The following CSMD1 variants were observed in gnomAD, a reference collection of about 807,000 sequenced individuals.
CSMD1 encodes CUB and sushi domain-containing protein 1.
In CSMD1, 213 loss-of-function variants were observed where a neutral mutation model predicts 417.5. The observed-to-expected ratio is 0.51, with a 90% CI of 0.46 to 0.57. CSMD1 has a LOEUF of 0.57. Among genes scored for constraint, CSMD1 ranks in the 20% least tolerant of loss-of-function variants. The probability of loss-of-function intolerance (pLI) is 0.00; values close to 1 mark genes in which losing one functional copy is unlikely to be tolerated. For missense variants in CSMD1, 6,923 were observed against 4,529.7 expected, an observed-to-expected ratio of 1.53 and a Z score of -15.17; for synonymous variants, 2,862 against 1,736.8, an observed-to-expected ratio of 1.65 and a Z score of -16.11.
intron 5 of CSMD1, among the ~76,000 whole-genome samples, chr8:3,858,448 C>T (rs1237808881): frequency 6.6e-6 from 1 of 152,040 alleles, no homozygotes; most frequent in East Asian, 1.9e-4. Context: ...TTCATTTAAG[C>T]CATATAAAAC....
chr8:3,744,462 T>A (rs1033719529), intron 6 of CSMD1, among the ~76,000 whole-genome samples: 1 of 151,782 alleles, frequency 6.6e-6, no homozygotes, highest in Non-Finnish European at 1.5e-5. Context: ...GAAACTAGAT[T>A]TTAACTAGGA....
At chr8:3,357,669 T>C (rs1457438856) in intron 21 of CSMD1, among the ~76,000 whole-genome samples, 1 of 152,162 alleles carries the variant, frequency 6.6e-6, no homozygotes, top group African/African-American at 2.4e-5. Flanking sequence ...TTGATTTCAT[T>C]GAGTTGGGGG....
chr8:4,625,637 T>C (rs1802054737), intron 2 of CSMD1, among the ~76,000 whole-genome samples: 1 of 151,990 alleles, frequency 6.6e-6, no homozygotes, highest in Non-Finnish European at 1.5e-5. Flanking sequence ...TTTAGAAATA[T>C]TTAATCTAAA....
chr8:3,793,272 G>A (rs947028765), intron 5 of CSMD1, among the ~76,000 whole-genome samples: 1 of 152,182 alleles, frequency 6.6e-6, no homozygotes, highest in Non-Finnish European at 1.5e-5. Flanking sequence ...GACTGCAGCA[G>A]TCTCTCAGGC....
chr8:3,614,939 G>A (rs1314376501), intron 8 of CSMD1, among the ~76,000 whole-genome samples: 2 of 152,194 alleles, frequency 1.3e-5, no homozygotes, highest in South Asian at 2.1e-4. Context: ...ATTTTTCCTC[G>A]ACAAGAGGGA....
At chr8:3,955,156 C>T (rs1415450278) in intron 5 of CSMD1, among the ~76,000 whole-genome samples, 2 of 152,214 alleles carry the variant, frequency 1.3e-5, no homozygotes, top group Non-Finnish European at 2.9e-5. Flanking sequence ...GACAGAAGCA[C>T]TGACTGTCCT....
chr8:3,655,266 G>A (rs960891719), intron 7 of CSMD1, among the ~76,000 whole-genome samples: 4 of 152,098 alleles, frequency 2.6e-5, no homozygotes, highest in African/African-American at 9.7e-5. Context: ...AAGAATTTAA[G>A]ACCCATGAAC....
intron 2 of CSMD1, among the ~76,000 whole-genome samples, chr8:4,446,746 T>TGC (rs1798822864): frequency 9.9e-6 from 1 of 101,306 alleles, no homozygotes; most frequent in African/African-American, 4.3e-5. Context: ...TGTGTGTGTG[T>TGC]GTGTGTGTCT....
chr8:3,157,770 T>C, intron 39 of CSMD1, 127 bp downstream of exon 39: 2 of 727,100 alleles, frequency 2.8e-6, no homozygotes, highest in South Asian at 3.3e-5. Flanking sequence ...CATTATGTGC[T>C]ATTAGTATAT....
intron 1 of CSMD1, among the ~76,000 whole-genome samples, chr8:4,943,754 T>A (rs1563830324): frequency 6.6e-6 from 1 of 152,176 alleles, no homozygotes; most frequent in Non-Finnish European, 1.5e-5. Flanking sequence ...AGCAAAGGAC[T>A]TTGGTAAGTT....
chr8:4,776,818 A>G (rs1481225101), intron 1 of CSMD1, among the ~76,000 whole-genome samples: 1 of 152,000 alleles, frequency 6.6e-6, no homozygotes, highest in Non-Finnish European at 1.5e-5. Context: ...TTAAATTTTA[A>G]TTCTCTTACT....
At chr8:4,078,128 A>G (rs1799930461) in intron 3 of CSMD1, among the ~76,000 whole-genome samples, 1 of 152,208 alleles carries the variant, frequency 6.6e-6, no homozygotes, top group African/African-American at 2.4e-5. Flanking sequence ...AAAGTGCTAT[A>G]ATGAACTTTA....
intron 2 of CSMD1, among the ~76,000 whole-genome samples, chr8:4,429,431 T>C (rs1254825371): frequency 1.3e-5 from 2 of 152,120 alleles, no homozygotes; most frequent in African/African-American, 4.8e-5. Context: ...TTTCACACAA[T>C]GTTTTGTGAA....
At position 4,362,025 on chromosome 8, in the gene CSMD1, C is replaced by T. The variant is rs576236715; in HGVS notation, c.415+57928G>A. Among the ~76,000 whole-genome samples the T allele has an allele frequency of 2.0e-5, 3 of 151,822 alleles. No homozygotes were observed. The South Asian group carries it at 6.3e-4, about 32-fold the overall frequency. ...ATCCTTAGATTAAGAAAAAGCAAGA[C>T]AAGGATTAGAGGTAGGATACATAAG... On this transcript the variant is annotated intron_variant, in intron 3 of 69. Transcript: ENST00000635120.
chr8:3,895,676 T>C lies in CSMD1; in HGVS notation c.818+102227A>G, dbSNP rs79846179. The stretch of plus-strand genomic sequence containing the variant: ...ACTATATTTGAGACACACATATTTA[T>C]AATCCAAGTATTTGTATTTAGTTCC... On this transcript the variant is annotated intron_variant, in intron 5 of 69. Transcript: ENST00000635120. Among the ~76,000 whole-genome samples, 741 of 152,356 alleles carry C rather than the reference T, an allele frequency of 4.9e-3. 9 individuals are homozygous for C. Among genetic ancestry groups the C allele is most frequent in the African/African-American group, 0.017 (693 of 41,586 alleles).
At chr8:4,205,577 T>A (rs11780805) in intron 3 of CSMD1, among the ~76,000 whole-genome samples, 18,190 of 152,204 alleles carry the variant, frequency 0.12, 1,881 homozygotes, top group African/African-American at 0.27. Flanking sequence ...TGACACAGCA[T>A]ATAAATGATG....
At chr8:3,182,665 C>T (rs1448500057) in intron 36 of CSMD1, among the ~76,000 whole-genome samples, 14 of 35,196 alleles carry the variant, frequency 4.0e-4, no homozygotes, top group Non-Finnish European at 7.6e-4. Context: ...CTCTGGCTGT[C>T]TATAAGAAGC....
intron 7 of CSMD1, among the ~76,000 whole-genome samples, chr8:3,696,070 G>T (rs920552255): frequency 1.4e-5 from 2 of 146,360 alleles, no homozygotes; most frequent in African/African-American, 2.8e-5. Flanking sequence ...ATTTTCTTAT[G>T]GGGGACAGGG....
intron 25 of CSMD1, among the ~76,000 whole-genome samples, chr8:3,298,431 C>G (rs1804131452): frequency 6.6e-6 from 1 of 151,760 alleles, no homozygotes; most frequent in Admixed American, 6.6e-5. Context: ...TGAAGTGAGA[C>G]ACATAATTAA....
Sources: allele counts gnomAD v4.1 joint callset (sites outside exome capture counted in the v4.1 genomes callset), GRCh38; gene constraint gnomAD v4.1.1; transcripts MANE v1.5; gene names NCBI Gene and HGNC (gene_info 2026-07-23, HGNC 2026-07-21).